The following RAB9A variants were observed in gnomAD, a reference collection of about 807,000 sequenced individuals.
The protein encoded by RAB9A is RAB9A, member RAS oncogene family.
Under a neutral mutation model 10.3 loss-of-function variants are expected in RAB9A, and 1 was observed. The observed-to-expected ratio is 0.10, with a 90% CI of 0.03 to 0.46. RAB9A has a LOEUF of 0.46. Ranked by LOEUF, RAB9A falls within the 20% of genes least tolerant of loss-of-function variation. The pLI is 0.96. For synonymous variants in RAB9A, 39 were observed against 55.2 expected (o/e 0.71, Z 1.30); for missense variants, 92 against 150.3 (o/e 0.61, Z 2.03).
chrX:13,705,898 G>C (rs192913470), intron 2 of RAB9A, among the ~76,000 whole-genome samples: 1 of 111,030 alleles, frequency 9.0e-6, no homozygotes, highest in Non-Finnish European at 1.9e-5. Context: ...GGGGTGTGCT[G>C]AGTGAGTGGA....
intron 2 of RAB9A, among the ~76,000 whole-genome samples, chrX:13,704,714 A>T (rs756843928): frequency 9.2e-6 from 1 of 108,993 alleles, no homozygotes; most frequent in South Asian, 4.0e-4. Context: ...TCTCAGGTTC[A>T]AGTAATTCTC....
intron 1 of RAB9A, among the ~76,000 whole-genome samples, chrX:13,696,035 C>G (rs2046146200): frequency 9.0e-6 from 1 of 110,936 alleles, no homozygotes; most frequent in African/African-American, 3.3e-5. Flanking sequence ...ACTTGAAGGT[C>G]TCCCCTGTGC....
chrX:13,707,231 A>G (rs1350299177), intron 2 of RAB9A, among the ~76,000 whole-genome samples: 2 of 112,480 alleles, frequency 1.8e-5, no homozygotes, highest in Non-Finnish European at 3.7e-5. Flanking sequence ...TCTCTTGTAC[A>G]GTGCTGCTCT....
At chrX:13,703,772 T>G (rs1272308424) in intron 1 of RAB9A, 42 bp from the exon 2 acceptor site, 1 of 112,293 alleles carries the variant, frequency 8.9e-6, no homozygotes, top group African/African-American at 3.2e-5. Flanking sequence ...AACCTGTCTG[T>G]AAAACTGCCA....
At chrX:13,703,409 G>C (rs1391935240) in intron 1 of RAB9A, among the ~76,000 whole-genome samples, 3 of 112,471 alleles carry the variant, frequency 2.7e-5, no homozygotes, top group Non-Finnish European at 3.8e-5. Flanking sequence ...CTGGGCTCAA[G>C]GCTAGCTGCT....
chrX:13,701,432 TTGTC>T (rs1311112703), intron 1 of RAB9A, among the ~76,000 whole-genome samples: 12 of 111,860 alleles, frequency 1.1e-4, no homozygotes, highest in African/African-American at 2.6e-4. Flanking sequence ...TTGATGGACA[TTGTC>T]TTTCTTTTTA....
intron 1 of RAB9A, among the ~76,000 whole-genome samples, chrX:13,689,835 G>A (rs1041805221): frequency 1.9e-4 from 21 of 112,194 alleles, no homozygotes; most frequent in South Asian, 7.4e-4. Flanking sequence ...GGCGTTTTGG[G>A]GGCATTATCT....
At position 13,708,776 on chromosome X, in the gene RAB9A, A is replaced by G; in HGVS notation, c.30A>G (p.Val10=). 4 of 1,194,761 alleles carry G rather than the reference A, an allele frequency of 3.3e-6. No homozygotes were observed. The highest frequency in any genetic ancestry group is 3.4e-6 in the Non-Finnish European group (3 of 886,588). Residue 10 remains valine (V), a synonymous_variant, in exon 3 of 3, where the codon GTA becomes GTG. Transcript: ENST00000464506. ...CAGGAAAATCATCACTTTTTAAAGT[A>G]ATTCTCCTTGGAGATGGTGGAGTTG... MAGKSSLFK[V]ILLGDGGVGK...
chrX:13,707,175 C>T (rs1049351524), intron 2 of RAB9A, among the ~76,000 whole-genome samples: 2 of 112,433 alleles, frequency 1.8e-5, no homozygotes, highest in African/African-American at 3.2e-5. Flanking sequence ...CAGTCACATG[C>T]GGCTAAGTGG....
chrX:13,708,595 C>T, intron 2 of RAB9A, 126 bp from the exon 3 acceptor site: 5 of 598,167 alleles, frequency 8.4e-6, no homozygotes, highest in South Asian at 3.4e-5. Context: ...CAGTAAACAA[C>T]AAGTCTTATT....
chrX:13,695,204 A>G (rs1569224815), intron 1 of RAB9A, among the ~76,000 whole-genome samples: 1 of 111,432 alleles, frequency 9.0e-6, no homozygotes, highest in Non-Finnish European at 1.9e-5. Flanking sequence ...ATTAGGTTTC[A>G]TTGTCTCTTC....
chrX:13,699,720 G>C lies in RAB9A; in HGVS notation c.-115-4094G>C, dbSNP rs139683000. On this transcript the variant is annotated intron_variant, in intron 1 of 2. Coordinates refer to ENST00000464506, the MANE Select transcript of RAB9A (RefSeq NM_004251.5). ...CTCCCAGGCCAAAGTAACAGCCCGA[G>C]CAAAGATATGGACAGAAAATGCCAG... Among the ~76,000 whole-genome samples the C allele has an allele frequency of 3.3e-3, 376 of 112,608 alleles. 1 individual carries two copies. The highest frequency in any genetic ancestry group is 5.3e-3 in the Non-Finnish European group (281 of 53,292).
intron 1 of RAB9A, among the ~76,000 whole-genome samples, chrX:13,695,421 A>G (rs1211673163): frequency 8.9e-6 from 1 of 111,944 alleles, no homozygotes; most frequent in Non-Finnish European, 1.9e-5. Flanking sequence ...TTATTGATCT[A>G]TAAAACATGG....
intron 1 of RAB9A, among the ~76,000 whole-genome samples, chrX:13,689,575 C>T (rs2046110802): frequency 8.9e-6 from 1 of 112,020 alleles, no homozygotes; most frequent in African/African-American, 3.2e-5. Flanking sequence ...CACATACACA[C>T]GGAGAAATAC....
intron 2 of RAB9A, among the ~76,000 whole-genome samples, chrX:13,706,971 C>T (rs1218984015): frequency 8.9e-6 from 1 of 112,018 alleles, no homozygotes; most frequent in Non-Finnish European, 1.9e-5. Flanking sequence ...GTCAATATAA[C>T]AATTATTGTT....
chrX:13,690,650 T>C (rs139874058), intron 1 of RAB9A, among the ~76,000 whole-genome samples: 257 of 112,194 alleles, frequency 2.3e-3, no homozygotes, highest in African/African-American at 7.7e-3. Context: ...ACTACAGTAC[T>C]CTGGAGGCCT....
At chrX:13,694,733 C>T (rs892492934) in intron 1 of RAB9A, among the ~76,000 whole-genome samples, 1 of 111,733 alleles carries the variant, frequency 8.9e-6, no homozygotes, top group Admixed American at 9.5e-5. Flanking sequence ...ATTATTGGCT[C>T]TAGTTTATGG....
chrX:13,702,542 C>G (rs932958469), intron 1 of RAB9A, among the ~76,000 whole-genome samples: 1 of 111,904 alleles, frequency 8.9e-6, no homozygotes, highest in Non-Finnish European at 1.9e-5. Context: ...AATAGTTGGC[C>G]TGTGTTACAG....
At chrX:13,706,855 C>T (rs990037394) in intron 2 of RAB9A, among the ~76,000 whole-genome samples, 13 of 111,727 alleles carry the variant, frequency 1.2e-4, no homozygotes, top group Non-Finnish European at 1.1e-4. Flanking sequence ...TGCAGAATTC[C>T]TACATGTTAC....
Sources: allele counts gnomAD v4.1 joint callset (sites outside exome capture counted in the v4.1 genomes callset), GRCh38; gene constraint gnomAD v4.1.1; transcripts MANE v1.5; gene names NCBI Gene and HGNC (gene_info 2026-07-23, HGNC 2026-07-21).